GDAP2: variants seen among roughly 807,000 people sequenced by gnomAD.
GDAP2 encodes the protein ganglioside-induced differentiation-associated protein 2.
In GDAP2, 51 loss-of-function variants were observed where a neutral mutation model predicts 67.0. That is an observed-to-expected ratio of 0.76 (90% CI 0.61 to 0.96). GDAP2 has a LOEUF of 0.96. Ranked by LOEUF, GDAP2 falls within the 40% of genes least tolerant of loss-of-function variation. The pLI is 0.00. For synonymous variants in GDAP2, 203 were observed against 207.3 expected (o/e 0.98, Z 0.18); for missense variants, 547 against 588.3 (o/e 0.93, Z 0.73).
chr1:117,897,936 G>A (rs534587183), intron 7 of GDAP2, among the ~76,000 whole-genome samples: 32 of 152,064 alleles, frequency 2.1e-4, no homozygotes, highest in Non-Finnish European at 4.0e-4. Flanking sequence ...AGAACACTAC[G>A]GCCTATATCT....
chr1:117,882,039 C>T (rs1648666000), intron 11 of GDAP2, among the ~76,000 whole-genome samples, 162 bp from the exon 12 acceptor site: 1 of 152,048 alleles, frequency 6.6e-6, no homozygotes, highest in South Asian at 2.1e-4. Flanking sequence ...ATGCCAAAAA[C>T]AATTCAGAGA....
At position 117,887,768 on chromosome 1, in the gene GDAP2, A is replaced by C; in HGVS notation, c.960T>G (p.Asn320Lys). 1.3e-6 allele frequency: 2 copies of C among 1,534,394 alleles called. No individual in the cohort carries two copies. The highest frequency in any genetic ancestry group is 1.8e-6 in the Non-Finnish European group (2 of 1,108,488). Residue 320 changes from asparagine (N) to lysine (K), a missense_variant, in exon 9 of 14, where the codon AAT becomes AAG. Asn to Lys is a moderately conservative substitution (Grantham distance 94, BLOSUM62 0). Transcript: ENST00000369443. ...CAGATCTTGCTTGACATAACCAGCGATTATAACTAGGGAAATAAATGATAT... is the reference window on the plus strand; with the variant it reads ...CAGATCTTGCTTGACATAACCAGCGCTTATAACTAGGGAAATAAATGATAT... ...ALQKQHQRNY[N>K]RWLCQARSED...
At chr1:117,894,755 G>A (rs1245896172) in intron 8 of GDAP2, among the ~76,000 whole-genome samples, 3 of 152,192 alleles carry the variant, frequency 2.0e-5, no homozygotes, top group African/African-American at 7.2e-5. Flanking sequence ...TATGTGGCAG[G>A]TGTTTTCCCA....
At chr1:117,925,672 GTTATCAT>G (rs1169577176) in intron 1 of GDAP2, among the ~76,000 whole-genome samples, 12 of 152,248 alleles carry the variant, frequency 7.9e-5, no homozygotes, top group African/African-American at 2.9e-4. Flanking sequence ...TTTGGACTCT[GTTATCAT>G]AGGGTCTGAG....
intron 7 of GDAP2, among the ~76,000 whole-genome samples, chr1:117,897,865 C>T (rs1649317914): frequency 6.6e-6 from 1 of 152,140 alleles, no homozygotes; most frequent in Non-Finnish European, 1.5e-5. Context: ...AAAAACACCC[C>T]TCAAGTAAAG....
At chr1:117,916,027 G>T (rs1403589200) in intron 3 of GDAP2, among the ~76,000 whole-genome samples, 1 of 152,014 alleles carries the variant, frequency 6.6e-6, no homozygotes, top group Admixed American at 6.6e-5. Context: ...TCTATTAGGG[G>T]TACCCCAACT....
chr1:117,863,781 T>C lies in GDAP2; in HGVS notation c.*6788A>G, dbSNP rs1488120564. ...CCTGATTCTACCACTCAATATGTAA[T>C]ATATATAAAGAGCTTAGCAGCGTTC... On this transcript the variant is annotated 3_prime_UTR_variant, in exon 14 of 14. Transcript: ENST00000369443. The C allele has an allele frequency of 6.6e-6, 1 of 152,218 alleles. No homozygotes were observed. Among genetic ancestry groups the C allele is most frequent in the African/African-American group, 2.4e-5 (1 of 41,466 alleles). The allele number at this position is 152,218 out of a possible 1,614,324, so 9.4% of individuals were successfully genotyped here. A position where few individuals can be genotyped will look rare whatever the true frequency, so the allele number is the denominator to read the frequency against.
chr1:117,925,309 C>T (rs1473644216), intron 1 of GDAP2, among the ~76,000 whole-genome samples: 1 of 151,960 alleles, frequency 6.6e-6, no homozygotes, highest in African/African-American at 2.4e-5. Flanking sequence ...AAAAACTAGC[C>T]AGGTGTGGTG....
Position 117,881,809 on chromosome 1 carries a change from GAA to G in GDAP2, c.1302+12_1302+13del. ...CATAAATTCTAGATTTAACCAAAGA[GAA>G]AAATACTGTACCTTTGAACGAAATG... On this transcript the variant is annotated intron_variant, in intron 12 of 13. Coordinates refer to ENST00000369443, the MANE Select transcript of GDAP2 (RefSeq NM_017686.4). 7.0e-7 allele frequency: 1 copy of G among 1,436,278 alleles called. No individual in the cohort carries two copies. Among genetic ancestry groups the G allele is most frequent in the African/African-American group, 1.4e-5 (1 of 71,558 alleles). The allele number at this position is 1,436,278 out of a possible 1,614,324, so 89.0% of individuals were successfully genotyped here.
At chr1:117,886,847 G>A (rs889590767) in intron 9 of GDAP2, among the ~76,000 whole-genome samples, 194 bp from the exon 10 acceptor site, 1 of 151,964 alleles carries the variant, frequency 6.6e-6, no homozygotes, top group Non-Finnish European at 1.5e-5. Context: ...CTTCATGAGG[G>A]TTTTGATCAC....
intron 3 of GDAP2, among the ~76,000 whole-genome samples, chr1:117,917,409 C>T (rs1650085698): frequency 6.6e-6 from 1 of 152,196 alleles, no homozygotes; most frequent in Non-Finnish European, 1.5e-5. Flanking sequence ...ATAACTAACA[C>T]CTAATAACTA....
At chr1:117,909,102 A>G (rs761156135) in intron 5 of GDAP2, among the ~76,000 whole-genome samples, 58 of 152,196 alleles carry the variant, frequency 3.8e-4, no homozygotes, top group Non-Finnish European at 7.1e-4. Context: ...TCAAAGTTTC[A>G]TCTGTGCACT....
At chr1:117,883,455 A>T in intron 11 of GDAP2, 33 bp downstream of exon 11, 5 of 1,402,930 alleles carry the variant, frequency 3.6e-6, no homozygotes, top group Non-Finnish European at 5.0e-6. Flanking sequence ...GAAAGAAACT[A>T]TTTCCCCTTC....
In GDAP2 at chr1:117,908,720, G is replaced by A. The variant is rs116659840; in HGVS notation, c.560-2138C>T. Among the ~76,000 whole-genome samples, 1,028 of 152,040 alleles carry A rather than the reference G, an allele frequency of 6.8e-3. 9 individuals are homozygous for A. The highest frequency in any genetic ancestry group is 0.023 in the African/African-American group (966 of 41,448). On this transcript the variant is annotated intron_variant, in intron 5 of 13. Transcript: ENST00000369443. ...CATGCCTGTAGTCCTAGCTACCTGG[G>A]GGGCTAACAAGGGAGGATCACTTGA...
intron 8 of GDAP2, among the ~76,000 whole-genome samples, chr1:117,895,040 G>A (rs768323745): frequency 2.0e-5 from 3 of 151,978 alleles, no homozygotes; most frequent in South Asian, 4.1e-4. Context: ...AAAAGCTAAC[G>A]TATCATGTTA....
chr1:117,929,081 T>C (rs560430587), intron 1 of GDAP2, among the ~76,000 whole-genome samples: 96 of 152,124 alleles, frequency 6.3e-4, no homozygotes, highest in African/African-American at 2.2e-3. Context: ...CTCGGTTCCG[T>C]AGAATGTCCA....
chr1:117,877,227 T>G (rs1324853606), intron 13 of GDAP2: 1 of 889,988 alleles, frequency 1.1e-6, no homozygotes, highest in Non-Finnish European at 1.3e-6. Flanking sequence ...AGAAATTGTG[T>G]TGCAGAATTT....
chr1:117,883,682 C>CA, intron 10 of GDAP2, 55 bp from the exon 11 acceptor site: 1 of 1,321,818 alleles, frequency 7.6e-7, no homozygotes, highest in African/African-American at 1.5e-5. Flanking sequence ...TAGTCTATTT[C>CA]ACAGAGACCA....
At position 117,879,068 on chromosome 1, in the gene GDAP2, A is replaced by G. The variant is rs370729017; in HGVS notation, c.1303-916T>C. On this transcript the variant is annotated intron_variant, in intron 12 of 13. Transcript: ENST00000369443. ...ACAAGGCATGCCTGAAGGTTCTTGG[A>G]GCAGTGCAATATTGGAGGCAGGACA... Among the ~76,000 whole-genome samples the G allele has an allele frequency of 2.8e-4, 43 of 152,338 alleles. 1 individual carries two copies. The South Asian group carries it at 8.7e-3, about 31-fold the overall frequency.
Sources: gnomAD v4.1 joint callset for allele counts (sites outside exome capture counted in the v4.1 genomes callset) on GRCh38, gnomAD v4.1.1 for gene constraint, MANE v1.5 for transcripts, NCBI Gene and HGNC (gene_info 2026-07-23, HGNC 2026-07-21) for gene names.